Variants in CSMD2 observed in about 807,000 individuals in gnomAD.
CSMD2 encodes the protein CUB and Sushi multiple domains 2, also known as CUB and sushi domain-containing protein 2.
In CSMD2, 130 loss-of-function variants were observed where a neutral mutation model predicts 398.5. The observed-to-expected ratio is 0.33, with a 90% CI of 0.28 to 0.38. CSMD2 has a LOEUF of 0.38. Ranked by LOEUF, CSMD2 falls within the 10% of genes least tolerant of loss-of-function variation. CSMD2 has a pLI of 1.00. For synonymous variants in CSMD2, 1,828 were observed against 1,908.5 expected, an observed-to-expected ratio of 0.96 and a Z score of 1.10; for missense variants, 3,829 against 4,764.9, an observed-to-expected ratio of 0.80 and a Z score of 5.78.
intron 3 of CSMD2, among the ~76,000 whole-genome samples, chr1:34,026,451 T>C (rs552141209): frequency 1.3e-5 from 2 of 152,348 alleles, no homozygotes; most frequent in South Asian, 4.1e-4. Context: ...AGATCACAGT[T>C]AGACTTAGCT....
At chr1:33,890,754 T>A (rs1020782901) in intron 5 of CSMD2, among the ~76,000 whole-genome samples, 3 of 151,734 alleles carry the variant, frequency 2.0e-5, no homozygotes, top group African/African-American at 7.3e-5. Flanking sequence ...TATCTACAAC[T>A]ATCTGATTTT....
rs1232288848 is a variant in CSMD2 at position 34,076,928 on chromosome 1, A to AAAAAAATAT, written c.404+12048_404+12049insATATTTTTT. 2.2e-3 allele frequency among the ~76,000 whole-genome samples: 120 copies of AAAAAAATAT among 53,562 alleles called. 1 individual carries two copies. Among genetic ancestry groups the AAAAAAATAT allele is most frequent in the Non-Finnish European group, 3.1e-3 (97 of 31,324 alleles). The allele number at this position is 53,562 out of a possible 152,430, so 35.1% of individuals were successfully genotyped here. ...GCAAAGCAAAAAAAAAAAAAAAAAA[A>AAAAAAATAT]ATATATATATATATATATATATATA... On this transcript the variant is annotated intron_variant, in intron 2 of 70. Transcript: ENST00000373381.
At chr1:34,086,208 C>T (rs542772451) in intron 2 of CSMD2, among the ~76,000 whole-genome samples, 28 of 152,232 alleles carry the variant, frequency 1.8e-4, no homozygotes, top group Middle Eastern at 3.4e-3. Flanking sequence ...TTCTATCTTT[C>T]AAACATGCAT....
rs79327129 is a variant in CSMD2 at position 34,064,530 on chromosome 1, G to A, written c.404+24447C>T. Reference sequence around the variant, plus strand: ...TCCAACAAGTTCCTCCTCTCCATCCGAGACCATCTCAGTCTGGACCCTACT... The same window carrying A: ...TCCAACAAGTTCCTCCTCTCCATCCAAGACCATCTCAGTCTGGACCCTACT... On this transcript the variant is annotated intron_variant, in intron 2 of 70. Transcript: ENST00000373381. 1.4e-3 allele frequency among the ~76,000 whole-genome samples: 216 copies of A among 152,114 alleles called. 3 individuals are homozygous for A. In the East Asian group the frequency reaches 0.041, roughly 29 times the overall value.
At chr1:33,913,568 T>C (rs1020729426) in intron 5 of CSMD2, among the ~76,000 whole-genome samples, 8 of 152,164 alleles carry the variant, frequency 5.3e-5, no homozygotes, top group African/African-American at 1.9e-4. Context: ...TTTTGTAGGT[T>C]GGTATACTGA....
intron 1 of CSMD2, among the ~76,000 whole-genome samples, chr1:34,103,849 T>A (rs1368303790): frequency 6.6e-6 from 1 of 152,224 alleles, no homozygotes; most frequent in Non-Finnish European, 1.5e-5. Flanking sequence ...ATGGTTTATT[T>A]TGGAAGTGGC....
At position 33,679,199 on chromosome 1, in the gene CSMD2, G is replaced by GT. The variant is rs58284803; in HGVS notation, c.4052+13730dup. Among the ~76,000 whole-genome samples, 351 of 84,116 alleles carry GT rather than the reference G, an allele frequency of 4.2e-3. 5 individuals are homozygous for GT. Among genetic ancestry groups the GT allele is most frequent in the African/African-American group, 0.012 (271 of 23,482 alleles). The allele number at this position is 84,116 out of a possible 152,430, so 55.2% of individuals were successfully genotyped here. ...AAAGACCTGGGTTCAAATTGCAGTT[G>GT]TTTTTTTTTTTTTTTTTTTTTGAGA... On this transcript the variant is annotated intron_variant, in intron 25 of 70. Transcript: ENST00000373381.
intron 3 of CSMD2, among the ~76,000 whole-genome samples, chr1:33,981,761 G>A (rs1188795142): frequency 6.6e-6 from 1 of 152,216 alleles, no homozygotes. Flanking sequence ...CATTTGGGCT[G>A]GACAGGCCAT....
intron 13 of CSMD2, among the ~76,000 whole-genome samples, chr1:33,755,964 T>G (rs961673049): frequency 6.6e-6 from 1 of 152,108 alleles, no homozygotes; most frequent in African/African-American, 2.4e-5. Context: ...AGGTAGAACT[T>G]GAGCATCGGT....
intron 24 of CSMD2, among the ~76,000 whole-genome samples, chr1:33,697,291 C>T (rs1645450715): frequency 6.6e-6 from 1 of 152,146 alleles, no homozygotes; most frequent in Non-Finnish European, 1.5e-5. Context: ...CTGAGATCTG[C>T]TCTTCTCTGT....
intron 5 of CSMD2, among the ~76,000 whole-genome samples, chr1:33,874,129 G>C (rs1640664835): frequency 1.3e-5 from 2 of 152,220 alleles, no homozygotes; most frequent in South Asian, 4.1e-4. Flanking sequence ...AACTGGTAGA[G>C]AAGGGAAGGG....
chr1:33,582,513 A>G (rs1638795057), intron 47 of CSMD2, among the ~76,000 whole-genome samples: 1 of 152,202 alleles, frequency 6.6e-6, no homozygotes, highest in Non-Finnish European at 1.5e-5. Context: ...CCTATGAAAA[A>G]AGACCCCGCA....
At chr1:33,556,282 G>T (rs1657965636) in intron 55 of CSMD2, among the ~76,000 whole-genome samples, 1 of 152,144 alleles carries the variant, frequency 6.6e-6, no homozygotes, top group African/African-American at 2.4e-5. Context: ...CAAACTATTT[G>T]CTGGTCATAA....
intron 3 of CSMD2, among the ~76,000 whole-genome samples, chr1:33,951,943 C>T (rs887197381): frequency 6.6e-5 from 10 of 152,202 alleles, no homozygotes. Flanking sequence ...CATCATCTGG[C>T]AAATCCTTCT....
rs181750380 is a variant in CSMD2 at position 34,076,007 on chromosome 1, C to T, written c.404+12970G>A. ...CTTCTATTGTAAATTTAATTTGAAG[C>T]AGCCAGACGCTGCCTTCTGGCACCC... On this transcript the variant is annotated intron_variant, in intron 2 of 70. Coordinates refer to ENST00000373381, the MANE Select transcript of CSMD2 (RefSeq NM_001281956.2). Among the ~76,000 whole-genome samples, 39 of 152,314 alleles carry T rather than the reference C, an allele frequency of 2.6e-4. No homozygotes were observed. In the East Asian group the frequency reaches 7.5e-3, roughly 29 times the overall value.
chr1:33,523,995 T>G (rs1654549253), intron 66 of CSMD2, among the ~76,000 whole-genome samples: 1 of 152,220 alleles, frequency 6.6e-6, no homozygotes, highest in African/African-American at 2.4e-5. Flanking sequence ...GATTGAAAAT[T>G]GGGAAAATTT....
intron 15 of CSMD2, among the ~76,000 whole-genome samples, chr1:33,737,877 C>T (rs984827118): frequency 6.6e-6 from 1 of 152,162 alleles, no homozygotes; most frequent in African/African-American, 2.4e-5. Flanking sequence ...TTACTTTATA[C>T]CAGGACTGCC....
chr1:33,994,448 C>T (rs1468815193), intron 3 of CSMD2, among the ~76,000 whole-genome samples: 4 of 152,058 alleles, frequency 2.6e-5, no homozygotes, highest in African/African-American at 7.2e-5. Flanking sequence ...CCATGGATGG[C>T]CGTTTTCACA....
At chr1:33,752,302 TC>T (rs1648361593) in intron 13 of CSMD2, among the ~76,000 whole-genome samples, 1 of 152,206 alleles carries the variant, frequency 6.6e-6, no homozygotes, top group African/African-American at 2.4e-5. Context: ...CTTAGCGCCA[TC>T]CCCTTGGTGA....
Sources: gnomAD v4.1 joint callset for allele counts (sites outside exome capture counted in the v4.1 genomes callset) on GRCh38, gnomAD v4.1.1 for gene constraint, MANE v1.5 for transcripts, NCBI Gene and HGNC (gene_info 2026-07-23, HGNC 2026-07-21) for gene names.